Variants in RALGPS1 observed in about 807,000 individuals in gnomAD.
RALGPS1 encodes the protein Ral GEF with PH domain and SH3 binding motif 1, also known as ras-specific guanine nucleotide-releasing factor RalGPS1.
RALGPS1 carries 19 observed loss-of-function variants against 78.8 expected under a neutral mutation model. That is an observed-to-expected ratio of 0.24 (90% CI 0.17 to 0.35). RALGPS1 has a LOEUF of 0.35. Among genes scored for constraint, RALGPS1 ranks in the 10% least tolerant of loss-of-function variants. The pLI, the probability that RALGPS1 is intolerant of heterozygous loss-of-function variation, is 1.00. For synonymous variants in RALGPS1, 228 were observed against 256.3 expected, an observed-to-expected ratio of 0.89 and a Z score of 1.06; for missense variants, 454 against 688.3, an observed-to-expected ratio of 0.66 and a Z score of 3.81.
intron 7 of RALGPS1, among the ~76,000 whole-genome samples, chr9:127,066,496 C>T (rs1288322799): frequency 6.6e-6 from 1 of 152,156 alleles, no homozygotes; most frequent in African/African-American, 2.4e-5. Flanking sequence ...CAAAAATTAG[C>T]TGGGCTTGGT....
chr9:127,014,480 A>C (rs971850663), intron 4 of RALGPS1, among the ~76,000 whole-genome samples: 2 of 152,088 alleles, frequency 1.3e-5, no homozygotes, highest in African/African-American at 2.4e-5. Context: ...CAGGAATCCT[A>C]CTCTGTCTAG....
chr9:127,088,620 A>C (rs1252976845), intron 8 of RALGPS1: 2 of 395,844 alleles, frequency 5.1e-6, no homozygotes, highest in Middle Eastern at 7.3e-4. Flanking sequence ...AGGCTCATAC[A>C]CATGTATATT....
intron 1 of RALGPS1, among the ~76,000 whole-genome samples, chr9:126,918,466 A>G (rs1564249492): frequency 2.0e-5 from 3 of 152,002 alleles, no homozygotes; most frequent in Non-Finnish European, 4.4e-5. Flanking sequence ...CCTCCCAAGT[A>G]CTGCGCCACA....
intron 5 of RALGPS1, among the ~76,000 whole-genome samples, chr9:127,041,543 T>C (rs2047322694): frequency 6.6e-6 from 1 of 152,152 alleles, no homozygotes; most frequent in African/African-American, 2.4e-5. Context: ...CATTCTAGTA[T>C]GTGTGTAGTA....
At chr9:127,055,886 C>T (rs1351223534) in intron 7 of RALGPS1, among the ~76,000 whole-genome samples, 1 of 152,184 alleles carries the variant, frequency 6.6e-6, no homozygotes, top group Non-Finnish European at 1.5e-5. Flanking sequence ...CTTTGGGTCT[C>T]TGTCTTGGGT....
chr9:127,010,985 G>A (rs1305216753), intron 4 of RALGPS1, among the ~76,000 whole-genome samples: 1 of 152,130 alleles, frequency 6.6e-6, no homozygotes, highest in Non-Finnish European at 1.5e-5. Flanking sequence ...TGGGTCTTTT[G>A]GGTTCTGTGG....
Position 127,091,595 on chromosome 9 carries a change from C to G in RALGPS1, c.610+22239C>G. 6.5e-7 allele frequency: 1 copy of G among 1,549,396 alleles called. No homozygotes were observed. Among genetic ancestry groups the G allele is most frequent in the Non-Finnish European group, 8.7e-7 (1 of 1,147,370 alleles). ...CCTGGGATCTTCCCGTTTCCAAGCC[C>G]TGGAGTCAGGGGCTCTGGCTCTGGT... On this transcript the variant is annotated intron_variant, in intron 8 of 18. Transcript: ENST00000259351. This position sits in a 1 kb window ranked among gnomAD's most constrained non-coding sequence, Gnocchi z 4.3.
At chr9:127,213,085 T>C in intron 17 of RALGPS1, 36 bp downstream of exon 17, 1 of 1,613,574 alleles carries the variant, frequency 6.2e-7, no homozygotes, top group Non-Finnish European at 8.5e-7. Context: ...CTGCAGCTGC[T>C]CTCTGCCCAT....
At chr9:127,163,032 G>A (rs1489310047) in intron 8 of RALGPS1, among the ~76,000 whole-genome samples, 1 of 152,160 alleles carries the variant, frequency 6.6e-6, no homozygotes, top group African/African-American at 2.4e-5. Flanking sequence ...GGAAGTTTCT[G>A]TCTTGGATTT....
At chr9:127,199,987 C>T (rs1287594359) in intron 14 of RALGPS1, among the ~76,000 whole-genome samples, 1 of 152,118 alleles carries the variant, frequency 6.6e-6, no homozygotes, top group Non-Finnish European at 1.5e-5. Context: ...CACTTGAACT[C>T]ACCTATGCTT....
At chr9:127,114,618 G>A (rs1034821986) in intron 8 of RALGPS1, among the ~76,000 whole-genome samples, 2 of 152,214 alleles carry the variant, frequency 1.3e-5, no homozygotes, top group South Asian at 2.1e-4. Flanking sequence ...AGGACTTACA[G>A]AACCACCCCC....
At chr9:127,131,074 T>C (rs1039971000) in intron 8 of RALGPS1, among the ~76,000 whole-genome samples, 29 of 152,218 alleles carry the variant, frequency 1.9e-4, no homozygotes, top group Non-Finnish European at 2.4e-4. Flanking sequence ...GGCCGCTCCT[T>C]GGTGACTCAG....
intron 17 of RALGPS1, 48 bp from the exon 18 acceptor site, chr9:127,214,703 C>A: frequency 6.4e-7 from 1 of 1,566,434 alleles, no homozygotes; most frequent in Non-Finnish European, 8.6e-7. Context: ...CACCAGCTGA[C>A]CCTCCTACGT....
chr9:126,983,362 G>A (rs1252202175), intron 4 of RALGPS1, among the ~76,000 whole-genome samples: 2 of 152,008 alleles, frequency 1.3e-5, no homozygotes, highest in Non-Finnish European at 2.9e-5. Flanking sequence ...TCCAACAATT[G>A]CCATCTTTGC....
At chr9:127,197,054 G>A (rs2061386103) in intron 13 of RALGPS1, among the ~76,000 whole-genome samples, 1 of 152,158 alleles carries the variant, frequency 6.6e-6, no homozygotes, top group African/African-American at 2.4e-5. Flanking sequence ...TGGCCACTGG[G>A]TTCTCACTGC....
chr9:127,169,846 A>G (rs1035702684), intron 10 of RALGPS1, among the ~76,000 whole-genome samples: 1 of 152,162 alleles, frequency 6.6e-6, no homozygotes, highest in South Asian at 2.1e-4. Flanking sequence ...GTAAGCTCTT[A>G]TAAGTGTTCT....
At chr9:127,072,726 T>C (rs191659614) in intron 8 of RALGPS1, among the ~76,000 whole-genome samples, 19 of 152,338 alleles carry the variant, frequency 1.2e-4, no homozygotes, top group Non-Finnish European at 1.0e-4. Context: ...ACTTGGTCTA[T>C]CCAGAAAGAA....
chr9:127,176,143 A>G (rs1335966860), intron 11 of RALGPS1, among the ~76,000 whole-genome samples: 1 of 152,134 alleles, frequency 6.6e-6, no homozygotes, highest in Admixed American at 6.5e-5. Context: ...GTCTCCGGAA[A>G]TGCTATTGTC....
At chr9:127,153,079 A>G (rs936660278) in intron 8 of RALGPS1, among the ~76,000 whole-genome samples, 1 of 152,202 alleles carries the variant, frequency 6.6e-6, no homozygotes, top group Non-Finnish European at 1.5e-5. Flanking sequence ...CCTCCAGTGT[A>G]TGTGTTGAGC....
Sources: allele counts gnomAD v4.1 joint callset (sites outside exome capture counted in the v4.1 genomes callset), GRCh38; gene constraint gnomAD v4.1.1; non-coding constraint Gnocchi (gnomAD v3.1); transcripts MANE v1.5; gene names NCBI Gene and HGNC (gene_info 2026-07-23, HGNC 2026-07-21).